Variants in ADAM22 observed in about 807,000 individuals in gnomAD.
The protein encoded by ADAM22 is disintegrin and metalloproteinase domain-containing protein 22.
ADAM22 carries 65 observed loss-of-function variants against 144.6 expected under a neutral mutation model. That is an observed-to-expected ratio of 0.45 (90% CI 0.37 to 0.55). ADAM22 has a LOEUF of 0.55. Among genes scored for constraint, ADAM22 ranks in the 20% least tolerant of loss-of-function variants. The pLI is 0.00. For missense variants in ADAM22, 974 were observed against 1,184.9 expected, an observed-to-expected ratio of 0.82 and a Z score of 2.61; for synonymous variants, 391 against 412.6, an observed-to-expected ratio of 0.95 and a Z score of 0.63.
At chr7:88,060,775 A>C (rs550309443) in intron 3 of ADAM22, among the ~76,000 whole-genome samples, 49 of 151,326 alleles carry the variant, frequency 3.2e-4, no homozygotes, top group South Asian at 6.3e-4. Flanking sequence ...TCAAAAAAAA[A>C]AAAAAACAAA....
intron 3 of ADAM22, among the ~76,000 whole-genome samples, chr7:87,993,446 A>G (rs1240012105): frequency 6.6e-6 from 1 of 152,248 alleles, no homozygotes; most frequent in Non-Finnish European, 1.5e-5. Context: ...TAATTCAATT[A>G]GAGGTATTGA....
At chr7:88,047,045 T>C (rs1314227934) in intron 3 of ADAM22, among the ~76,000 whole-genome samples, 2 of 152,206 alleles carry the variant, frequency 1.3e-5, no homozygotes, top group Non-Finnish European at 2.9e-5. Flanking sequence ...GCCACTTGTG[T>C]ACCTCCTTGG....
At chr7:87,980,029 A>G (rs1562908145) in intron 3 of ADAM22, among the ~76,000 whole-genome samples, 2 of 152,178 alleles carry the variant, frequency 1.3e-5, no homozygotes, top group Non-Finnish European at 2.9e-5. Flanking sequence ...ATTCTGGCCA[A>G]ACTGCCTCAC....
chr7:87,973,733 A>G (rs539506136), intron 2 of ADAM22, among the ~76,000 whole-genome samples: 1 of 152,312 alleles, frequency 6.6e-6, no homozygotes, highest in East Asian at 1.9e-4. Context: ...TGTGGCACAT[A>G]TACACCATGG....
chr7:88,134,395 T>A lies in ADAM22; in HGVS notation c.1144T>A (p.Ser382Thr). 1 of 1,610,342 alleles carries A rather than the reference T, an allele frequency of 6.2e-7. No homozygotes were observed. Among genetic ancestry groups the A allele is most frequent in the Non-Finnish European group, 8.5e-7 (1 of 1,178,490 alleles). Residue 382 changes from serine (S) to threonine (T), a missense_variant, in exon 13 of 32, where the codon TCA (serine) becomes ACA (threonine). Ser to Thr is a moderately conservative substitution (Grantham distance 58, BLOSUM62 1). Around this residue, in one of 2 missense-constraint regions of ADAM22, gnomAD observed 734 missense variants for 950.6 expected, o/e 0.77. Coordinates refer to ENST00000413139, the MANE Select transcript of ADAM22 (RefSeq NM_001324418.2). ...ATTAGCCCATAATATTGGTATTATC[T>A]CAGACAAAAGAAAGTTAGCAAGTGG... ...QSLAHNIGIISDKRKLASGEC... is the reference protein window; with the variant it reads ...QSLAHNIGIITDKRKLASGEC...
chr7:88,028,194 T>C (rs986619941), intron 3 of ADAM22, among the ~76,000 whole-genome samples: 1 of 152,244 alleles, frequency 6.6e-6, no homozygotes, highest in Non-Finnish European at 1.5e-5. Flanking sequence ...TTGTCACTTA[T>C]TTTAAGAAAT....
chr7:88,137,276 C>A lies in ADAM22; in HGVS notation c.1220+1245C>A, dbSNP rs148718107. Reference sequence around the variant, plus strand: ...TTCTTGTTCATTAAATGCCATTCTCCTGCTGAGAAATTGTGTGAGTCTCTG... The same window carrying A: ...TTCTTGTTCATTAAATGCCATTCTCATGCTGAGAAATTGTGTGAGTCTCTG... On this transcript the variant is annotated intron_variant, in intron 14 of 31. Coordinates refer to ENST00000413139, the MANE Select transcript of ADAM22 (RefSeq NM_001324418.2). Among the ~76,000 whole-genome samples the A allele has an allele frequency of 1.4e-3, 212 of 152,272 alleles. 3 individuals carry two copies. The highest frequency in any genetic ancestry group is 8.4e-3 in the Admixed American group (129 of 15,310).
chr7:88,080,991 T>C (rs1289965410), intron 4 of ADAM22, among the ~76,000 whole-genome samples: 2 of 152,238 alleles, frequency 1.3e-5, no homozygotes, highest in African/African-American at 4.8e-5. Flanking sequence ...ACTCATTTTA[T>C]GAGGCCAGCA....
intron 3 of ADAM22, among the ~76,000 whole-genome samples, chr7:88,073,727 A>C (rs762759920): frequency 2.0e-5 from 3 of 152,232 alleles, no homozygotes; most frequent in Non-Finnish European, 4.4e-5. Context: ...GTTCATGTTC[A>C]TACATCTGCA....
chr7:88,040,374 C>T (rs1802815883), intron 3 of ADAM22, among the ~76,000 whole-genome samples: 1 of 151,920 alleles, frequency 6.6e-6, no homozygotes, highest in African/African-American at 2.4e-5. Context: ...TTAGGTGATC[C>T]ACCCGCCTCA....
intron 1 of ADAM22, 155 bp from the exon 2 acceptor site, chr7:87,934,869 GGT>G: frequency 9.5e-7 from 1 of 1,047,214 alleles, no homozygotes; most frequent in Non-Finnish European, 1.4e-6. Context: ...CTCTCGGGCT[GGT>G]GTCTCTGCGT....
At chr7:88,028,718 T>C (rs1330092072) in intron 3 of ADAM22, among the ~76,000 whole-genome samples, 1 of 152,112 alleles carries the variant, frequency 6.6e-6, no homozygotes, top group Non-Finnish European at 1.5e-5. Flanking sequence ...TTAATTGTTA[T>C]GTATTCTTGC....
chr7:87,982,589 T>G (rs1853830383), intron 3 of ADAM22, among the ~76,000 whole-genome samples: 1 of 143,792 alleles, frequency 7.0e-6, no homozygotes, highest in African/African-American at 2.7e-5. Flanking sequence ...AGGTTATTGA[T>G]TTTTCCCCAC....
At chr7:87,994,784 T>C (rs1334898897) in intron 3 of ADAM22, among the ~76,000 whole-genome samples, 3 of 152,150 alleles carry the variant, frequency 2.0e-5, no homozygotes, top group Non-Finnish European at 4.4e-5. Context: ...TAGGTCTTCT[T>C]CAATGCCCAT....
At chr7:88,097,254 C>T (rs1379828500) in intron 4 of ADAM22, among the ~76,000 whole-genome samples, 2 of 150,370 alleles carry the variant, frequency 1.3e-5, no homozygotes, top group African/African-American at 4.9e-5. Flanking sequence ...CACGTTCAAG[C>T]GATTCTTGTG....
intron 2 of ADAM22, among the ~76,000 whole-genome samples, chr7:87,968,560 T>A (rs1385244203): frequency 6.6e-6 from 1 of 151,854 alleles, no homozygotes; most frequent in African/African-American, 2.4e-5. Context: ...ACAAAAAATT[T>A]AAAAAATAGA....
At chr7:88,126,837 T>C (rs1456083203) in intron 8 of ADAM22, among the ~76,000 whole-genome samples, 1 of 151,936 alleles carries the variant, frequency 6.6e-6, no homozygotes, top group African/African-American at 2.4e-5. Context: ...TGAGAGATAC[T>C]TAACCTATAA....
chr7:88,086,558 T>C (rs1434537004), intron 4 of ADAM22, among the ~76,000 whole-genome samples: 2 of 152,248 alleles, frequency 1.3e-5, no homozygotes, highest in East Asian at 3.8e-4. Context: ...TATTAATCTT[T>C]CACTTACGTT....
rs1450326443 is a variant in ADAM22 at position 88,163,084 on chromosome 7, A to G, written c.1980A>G (p.Gln660=). 4.0e-5 allele frequency: 64 copies of G among 1,612,140 alleles called. No homozygotes were observed. Among genetic ancestry groups the G allele is most frequent in the Non-Finnish European group, 5.3e-5 (62 of 1,179,038 alleles). The part of the protein sequence containing the change: ...YVEDGTPCGP[Q]MMCLEHRCLP... ...AAGATGGGACACCTTGTGGTCCCCA[A>G]ATGATGTGCTTAGAACACAGGTGTC... The change falls in exon 23 of 32, where the codon CAA becomes CAG. Residue 660 remains glutamine, a synonymous_variant. Transcript: ENST00000413139.
Sources: gnomAD v4.1 joint callset for allele counts (sites outside exome capture counted in the v4.1 genomes callset) on GRCh38, gnomAD v4.1.1 for gene constraint, gnomAD v4.1.1 regional missense constraint, MANE v1.5 for transcripts, NCBI Gene and HGNC (gene_info 2026-07-23, HGNC 2026-07-21) for gene names.